SPATA22: variants seen among roughly 807,000 people sequenced by gnomAD.
SPATA22 encodes the protein spermatogenesis associated 22.
SPATA22 carries 29 observed loss-of-function variants against 47.8 expected under a neutral mutation model. The observed-to-expected ratio is 0.61, with a 90% CI of 0.45 to 0.83. SPATA22 has a LOEUF of 0.83. Ranked by LOEUF, SPATA22 falls within the 40% of genes least tolerant of loss-of-function variation. The pLI is 0.00. For missense variants in SPATA22, 410 were observed against 421.7 expected (o/e 0.97, Z 0.24); for synonymous variants, 133 against 140.9 (o/e 0.94, Z 0.40).
chr17:3,513,795 C>G, exon 1 of SPATA22: 5 of 785,722 alleles, frequency 6.4e-6, no homozygotes, highest in Non-Finnish European at 1.1e-5. Flanking sequence ...CACGAGGGTG[C>G]ACTCTGCTTC....
At chr17:3,495,096 A>G (rs2150759840) in intron 1 of SPATA22, among the ~76,000 whole-genome samples, 1 of 152,292 alleles carries the variant, frequency 6.6e-6, no homozygotes, top group East Asian at 1.9e-4. Flanking sequence ...AAGAAGGAAA[A>G]AAAAAAGGCT....
At chr17:3,449,460 A>G (rs1336512182) in intron 5 of SPATA22, among the ~76,000 whole-genome samples, 1 of 152,222 alleles carries the variant, frequency 6.6e-6, no homozygotes, top group African/African-American at 2.4e-5. Context: ...ATATTTTTAA[A>G]TGATAGCATT....
intron 1 of SPATA22, among the ~76,000 whole-genome samples, chr17:3,508,023 A>G (rs1263494024): frequency 6.6e-6 from 1 of 152,166 alleles, no homozygotes; most frequent in East Asian, 1.9e-4. Flanking sequence ...GCTGCCACTC[A>G]ACAAGATACA....
At chr17:3,483,461 G>T in intron 1 of SPATA22, 1 of 1,552,200 alleles carries the variant, frequency 6.4e-7, no homozygotes, top group Non-Finnish European at 8.9e-7. Context: ...CAAAACATAC[G>T]GTTTTTACCT....
intron 1 of SPATA22, among the ~76,000 whole-genome samples, chr17:3,508,029 A>C (rs1444901790): frequency 6.6e-6 from 1 of 152,188 alleles, no homozygotes; most frequent in Non-Finnish European, 1.5e-5. Flanking sequence ...ACTCAACAAG[A>C]TACATCCCAG....
chr17:3,452,726 T>C (rs2072892062), intron 5 of SPATA22, among the ~76,000 whole-genome samples: 1 of 151,856 alleles, frequency 6.6e-6, no homozygotes, highest in Non-Finnish European at 1.5e-5. Flanking sequence ...TTCTCAGAAA[T>C]AAAAAAGATC....
chr17:3,492,272 C>T (rs1289461521), intron 1 of SPATA22, among the ~76,000 whole-genome samples: 1 of 152,216 alleles, frequency 6.6e-6, no homozygotes. Flanking sequence ...GTAAGATGGC[C>T]AGAACAATAC....
intron 5 of SPATA22, among the ~76,000 whole-genome samples, chr17:3,455,989 T>A (rs1268939455): frequency 1.3e-5 from 2 of 152,188 alleles, no homozygotes; most frequent in African/African-American, 4.8e-5. Context: ...GATTTGTAGT[T>A]CTCCTTGAAG....
In SPATA22 at chr17:3,498,135, A is replaced by G. The variant is rs549431337; in HGVS notation, c.-74+15277T>C. 7.2e-5 allele frequency among the ~76,000 whole-genome samples: 11 copies of G among 152,320 alleles called. No homozygotes were observed. In the East Asian group the frequency reaches 1.9e-3, roughly 27 times the overall value. On this transcript the variant is annotated intron_variant, in intron 1 of 8. Transcript: ENST00000541913. ...GAATAGAATCTCCTTGTATGCAGGT[A>G]CAACATGGCTCATTTTTATATTTCC... is the stretch of plus-strand genomic sequence containing the variant.
intron 1 of SPATA22, among the ~76,000 whole-genome samples, chr17:3,504,766 T>C (rs35689297): frequency 0.9 from 136,871 of 151,640 alleles, 62,713 homozygotes; most frequent in Non-Finnish European, 0.98. Context: ...TCCATGTTGG[T>C]CAGGCTGGTC....
rs901027018 is a variant in SPATA22 at position 3,477,782 on chromosome 17, T to C, written c.-73-8384A>G. On this transcript the variant is annotated intron_variant, in intron 1 of 8. Coordinates refer to the SPATA22 transcript ENST00000541913. The stretch of plus-strand genomic sequence containing the variant: ...TTTTTTCTTTTACTAAAAAATATTC[T>C]GAAACATCTGTTTTTCTCAGGAAAC... Among the ~76,000 whole-genome samples, 4 of 152,144 alleles carry C rather than the reference T, an allele frequency of 2.6e-5. No individual in the cohort carries two copies. The South Asian group carries it at 8.3e-4, about 31-fold the overall frequency.
chr17:3,479,692 G>A (rs1395860123), intron 1 of SPATA22, among the ~76,000 whole-genome samples: 2 of 151,948 alleles, frequency 1.3e-5, no homozygotes, highest in Middle Eastern at 3.2e-3. Context: ...TCAAGATGCC[G>A]GCTTTGTCCT....
upstream of SPATA22, among the ~76,000 whole-genome samples, chr17:3,473,591 T>C (rs7207788): frequency 0.37 from 56,249 of 152,092 alleles, 13,071 homozygotes; most frequent in Non-Finnish European, 0.54. Context: ...CTCCGCCTTC[T>C]AGGTTCAAGT....
At chr17:3,491,724 G>A (rs1034266791) in intron 1 of SPATA22, among the ~76,000 whole-genome samples, 6 of 151,796 alleles carry the variant, frequency 4.0e-5, no homozygotes, top group Admixed American at 6.6e-5. Flanking sequence ...CTCCAGCCTC[G>A]GTGACAGAGT....
intron 1 of SPATA22, chr17:3,489,474 C>T: frequency 1.4e-6 from 1 of 716,736 alleles, no homozygotes; most frequent in Non-Finnish European, 2.5e-6. Context: ...TCAGCTATTC[C>T]CCAATGGCCA....
rs2073811715 is a variant in SPATA22 at position 3,490,817 on chromosome 17, C to G, written c.-73-21419G>C. ...GTTTTCAGATCATAGTCCATAGAAT[C>G]CTATCACAACGGTGGAGAAAAGCAG... is the stretch of plus-strand genomic sequence containing the variant. On this transcript the variant is annotated intron_variant, in intron 1 of 8. Coordinates refer to the SPATA22 transcript ENST00000541913. This position sits in a 1 kb window ranked among gnomAD's most constrained non-coding sequence, Gnocchi z 4.6. Among the ~76,000 whole-genome samples, 1 of 152,120 alleles carries G rather than the reference C, an allele frequency of 6.6e-6. No individual in the cohort carries two copies. Among genetic ancestry groups the G allele is most frequent in the Non-Finnish European group, 1.5e-5 (1 of 68,014 alleles).
At chr17:3,472,213 G>A (rs1038321574), upstream of SPATA22, 2 of 152,322 alleles carry the variant, frequency 1.3e-5, no homozygotes, top group African/African-American at 4.8e-5. Context: ...TTTCTGGGTC[G>A]GATCAGGGTC....
chr17:3,476,163 A>G, upstream of SPATA22: 3 of 1,613,306 alleles, frequency 1.9e-6, no homozygotes, highest in South Asian at 3.3e-5. Context: ...TGGTGAAATG[A>G]CTTCTTGTCA....
intron 3 of SPATA22, among the ~76,000 whole-genome samples, chr17:3,463,938 T>TCCCTCTGCCTCC (rs2073198335): frequency 2.7e-5 from 2 of 74,140 alleles, no homozygotes; most frequent in Non-Finnish European, 5.4e-5. Context: ...CCTCTCCCTC[T>TCCCTCTGCCTCC]CCCTCTCCCT....
Sources: gnomAD v4.1 joint callset for allele counts (sites outside exome capture counted in the v4.1 genomes callset) on GRCh38, gnomAD v4.1.1 for gene constraint, Gnocchi (gnomAD v3.1) non-coding constraint, MANE v1.5 for transcripts, NCBI Gene and HGNC (gene_info 2026-07-23, HGNC 2026-07-21) for gene names.